Variants in ZFAND5 observed in about 807,000 individuals in gnomAD.
ZFAND5 encodes zinc finger AN1-type containing 5, also known as AN1-type zinc finger protein 5.
ZFAND5 carries 4 observed loss-of-function variants against 23.6 expected under a neutral mutation model. That is an observed-to-expected ratio of 0.17 (90% CI 0.08 to 0.39). The LOEUF (loss-of-function observed/expected upper bound fraction) is 0.39, where lower values mean the gene tolerates loss of function less well. Ranked by LOEUF, ZFAND5 falls within the 10% of genes least tolerant of loss-of-function variation. The pLI, the probability that ZFAND5 is intolerant of heterozygous loss-of-function variation, is 1.00. For synonymous variants in ZFAND5, 68 were observed against 80.6 expected (o/e 0.84, Z 0.84); for missense variants, 161 against 253.7 (o/e 0.63, Z 2.48).
chr9:72,358,418 T>C (rs984521078), intron 5 of ZFAND5, among the ~76,000 whole-genome samples: 1 of 151,972 alleles, frequency 6.6e-6, no homozygotes, highest in Non-Finnish European at 1.5e-5. Context: ...AAAAGGCAAA[T>C]AGCAGTGAAT....
intron 2 of ZFAND5, among the ~76,000 whole-genome samples, chr9:72,361,187 G>A (rs1842087769): frequency 6.6e-6 from 1 of 152,198 alleles, no homozygotes; most frequent in Non-Finnish European, 1.5e-5. Context: ...AATTATCACT[G>A]AGTCTTGATA....
At chr9:72,357,591 AAAAC>A (rs1464933989) in intron 5 of ZFAND5, among the ~76,000 whole-genome samples, 1 of 152,192 alleles carries the variant, frequency 6.6e-6, no homozygotes, top group African/African-American at 2.4e-5. Context: ...CAAAAATTCC[AAAAC>A]AATCATTTTA....
Position 72,352,590 on chromosome 9 carries a change from C to G in ZFAND5, c.*3363G>C, listed in dbSNP as rs1841805472. ...TTATTTCCCCAATTTTAGTTATTTC[C>G]TAGCAACTTTATTTAATGCAGATCT... On this transcript the variant is annotated 3_prime_UTR_variant, in exon 7 of 7. Coordinates refer to ENST00000376962, the MANE Select transcript of ZFAND5 (RefSeq NM_001102420.3). 1 of 152,148 alleles carries G rather than the reference C, an allele frequency of 6.6e-6. No homozygotes were observed. The highest frequency in any genetic ancestry group is 2.4e-5 in the African/African-American group (1 of 41,426). The allele number at this position is 152,148 out of a possible 1,614,324, so 9.4% of individuals were successfully genotyped here.
chr9:72,356,234 A>G, intron 6 of ZFAND5, 133 bp from the exon 7 acceptor site: 1 of 1,108,882 alleles, frequency 9.0e-7, no homozygotes, highest in East Asian at 2.7e-5. Context: ...CTTTTCTTCC[A>G]CTTCCTGGTG....
At position 72,360,134 on chromosome 9, in the gene ZFAND5, G is replaced by C. The variant is rs1443683043; in HGVS notation, c.239C>G (p.Ala80Gly). Residue 80 changes from alanine to glycine, a missense_variant, in exon 4 of 7, where the codon GCT (alanine) becomes GGT (glycine). Around this residue, in one of 3 missense-constraint regions of ZFAND5, gnomAD observed 116 missense variants for 115.2 expected, o/e 1.01. Transcript: ENST00000376962. The part of the protein sequence containing the change: ...DTSLNNCEGA[A>G]GSTSEKSRNV... ...CCTTGATTTTTCAGATGTGCTGCCAGCAGCACCTTCACAGTTGTTTAAGCT... is the reference window on the plus strand; with the variant it reads ...CCTTGATTTTTCAGATGTGCTGCCACCAGCACCTTCACAGTTGTTTAAGCT... 1.2e-6 allele frequency: 2 copies of C among 1,611,548 alleles called. No homozygotes were observed. The highest frequency in any genetic ancestry group is 1.7e-6 in the Non-Finnish European group (2 of 1,179,062).
At chr9:72,359,599 T>C in intron 4 of ZFAND5, 78 bp from the exon 5 acceptor site, 1 of 1,310,306 alleles carries the variant, frequency 7.6e-7, no homozygotes, top group Non-Finnish European at 1.1e-6. Context: ...TCAGTTCAAC[T>C]TTAAATTATA....
At position 72,352,856 on chromosome 9, in the gene ZFAND5, T is replaced by A. The variant is rs984177903; in HGVS notation, c.*3097A>T. ...CCTGAAGGTGGTTGCTGTCTTCATT[T>A]AAGAGATGAAGCAGTCCAAAGTGGA... On this transcript the variant is annotated 3_prime_UTR_variant, in exon 7 of 7. Coordinates refer to ENST00000376962, the MANE Select transcript of ZFAND5 (RefSeq NM_001102420.3). The A allele has an allele frequency of 6.6e-6, 1 of 152,194 alleles. No individual in the cohort carries two copies. The highest frequency in any genetic ancestry group is 1.5e-5 in the Non-Finnish European group (1 of 68,036). The allele number at this position is 152,194 out of a possible 1,614,324, so 9.4% of individuals were successfully genotyped here.
chr9:72,363,218 A>G (rs909170), intron 2 of ZFAND5, among the ~76,000 whole-genome samples: 1 of 152,196 alleles, frequency 6.6e-6, no homozygotes, highest in African/African-American at 2.4e-5. Flanking sequence ...ATTTTAGAAA[A>G]AAATACCATT....
In ZFAND5 at chr9:72,354,193, G is replaced by A. The variant is rs1312406435; in HGVS notation, c.*1760C>T. ...ACATCATCTTTTACAACATGGAGAA[G>A]CGAGGTAGGCCATAATTGTTCAAAT... On this transcript the variant is annotated 3_prime_UTR_variant, in exon 7 of 7. Transcript: ENST00000376962. The A allele has an allele frequency of 6.6e-6, 1 of 152,180 alleles. No homozygotes were observed. Among genetic ancestry groups the A allele is most frequent in the Admixed American group, 6.5e-5 (1 of 15,280 alleles). The allele number at this position is 152,180 out of a possible 1,614,324, so 9.4% of individuals were successfully genotyped here. A position where few individuals can be genotyped will look rare whatever the true frequency, so the allele number is the denominator to read the frequency against.
rs1160252337 is a variant in ZFAND5 at position 72,353,064 on chromosome 9, C to T, written c.*2889G>A. 6.6e-6 allele frequency: 1 copy of T among 152,156 alleles called. No homozygotes were observed. The highest frequency in any genetic ancestry group is 1.5e-5 in the Non-Finnish European group (1 of 68,042). The allele number at this position is 152,156 out of a possible 1,614,324, so 9.4% of individuals were successfully genotyped here. A position where few individuals can be genotyped will look rare whatever the true frequency, so the allele number is the denominator to read the frequency against. On this transcript the variant is annotated 3_prime_UTR_variant, in exon 7 of 7. Transcript: ENST00000376962. ...TCAGGCACACTGAAGATGAGGTTTT[C>T]AAAAAGGACTCACCCATTTATACTG...
intron 5 of ZFAND5, among the ~76,000 whole-genome samples, chr9:72,357,727 A>G (rs1480962896): frequency 6.6e-6 from 1 of 152,122 alleles, no homozygotes; most frequent in Non-Finnish European, 1.5e-5. Flanking sequence ...ATTTTAAACT[A>G]TTAAGGATTC....
In ZFAND5 at chr9:72,355,615, C is replaced by T. The variant is rs1841921775; in HGVS notation, c.*338G>A. ...AAAGATTATACCTTGATTACATTCC[C>T]AAAAGGCAGATATGCTGCAAACATG... On this transcript the variant is annotated 3_prime_UTR_variant, in exon 7 of 7. Transcript: ENST00000376962. 5.9e-6 allele frequency: 1 copy of T among 168,118 alleles called. No individual in the cohort carries two copies. Among genetic ancestry groups the T allele is most frequent in the Non-Finnish European group, 1.3e-5 (1 of 78,294 alleles). The allele number at this position is 168,118 out of a possible 1,614,324, so 10.4% of individuals were successfully genotyped here.
Position 72,360,698 on chromosome 9 carries a change from A to G in ZFAND5, c.81T>C (p.Asn27=), listed in dbSNP as rs1257822405. The G allele has an allele frequency of 6.2e-7, 1 of 1,614,086 alleles. No homozygotes were observed. The highest frequency in any genetic ancestry group is 8.5e-7 in the Non-Finnish European group (1 of 1,179,958). ...CTTTGTAGCAAACTGAACACATTCC[A>G]TTTGTCCTAGGATTTCCATAAAAGC... ...GCGFYGNPRT[N]GMCSVCYKEH... Residue 27 remains asparagine (N), a synonymous_variant, in exon 3 of 7, where the codon AAT becomes AAC. Coordinates refer to ENST00000376962, the MANE Select transcript of ZFAND5 (RefSeq NM_001102420.3).
intron 3 of ZFAND5, 96 bp from the exon 4 acceptor site, chr9:72,360,317 A>C (rs1842063042): frequency 9.3e-7 from 1 of 1,076,648 alleles, no homozygotes; most frequent in African/African-American, 1.6e-5. Flanking sequence ...TAATTAGGTT[A>C]GTGATATAAG....
At chr9:72,364,569 C>A in intron 1 of ZFAND5, 127 bp downstream of exon 1, 2 of 1,260,672 alleles carry the variant, frequency 1.6e-6, no homozygotes, top group South Asian at 1.3e-5. Context: ...GCTCCCCTCC[C>A]CCGGACGCCG....
intron 4 of ZFAND5, among the ~76,000 whole-genome samples, 199 bp from the exon 5 acceptor site, chr9:72,359,720 G>A (rs1047765571): frequency 6.6e-6 from 1 of 152,114 alleles, no homozygotes; most frequent in Admixed American, 6.6e-5. Context: ...TCATGAACTC[G>A]AGGCTGCATT....
At chr9:72,364,567 C>A in intron 1 of ZFAND5, 129 bp downstream of exon 1, 1 of 1,260,014 alleles carries the variant, frequency 7.9e-7, no homozygotes, top group Middle Eastern at 2.2e-4. Flanking sequence ...GGGCTCCCCT[C>A]CCCCGGACGC....
Position 72,354,475 on chromosome 9 carries a change from CTTT to C in ZFAND5, c.*1475_*1477del, listed in dbSNP as rs1841877614. The C allele has an allele frequency of 6.6e-6, 1 of 152,596 alleles. No individual in the cohort carries two copies. Among genetic ancestry groups the C allele is most frequent in the Non-Finnish European group, 1.5e-5 (1 of 68,030 alleles). 9.5% of individuals were successfully genotyped at this position (152,596 alleles called of 1,614,324 possible). A position where few individuals can be genotyped will look rare whatever the true frequency, so the allele number is the denominator to read the frequency against. On this transcript the variant is annotated 3_prime_UTR_variant, in exon 7 of 7. Transcript: ENST00000376962. ...AAGTGAAGTTTCCCTCTGTACATGG[CTTT>C]TATTATTTACATAATACAATATAGC...
rs2131973581 is a variant in ZFAND5 at position 72,356,544 on chromosome 9, A to T, written c.493+387T>A. On this transcript the variant is annotated intron_variant, in intron 6 of 6. Coordinates refer to ENST00000376962, the MANE Select transcript of ZFAND5 (RefSeq NM_001102420.3). ...AACACAGTCCTACCATATCTTAAGT[A>T]ATGCTTCCTCAAGTGAAAACAACCA... is the stretch of plus-strand genomic sequence containing the variant. 1.3e-5 allele frequency among the ~76,000 whole-genome samples: 2 copies of T among 152,282 alleles called. 1 individual carries two copies. The highest frequency in any genetic ancestry group is 4.1e-4 in the South Asian group (2 of 4,826).
Sources: gnomAD v4.1 joint callset for allele counts (sites outside exome capture counted in the v4.1 genomes callset) on GRCh38, gnomAD v4.1.1 for gene constraint, gnomAD v4.1.1 regional missense constraint, MANE v1.5 for transcripts, NCBI Gene and HGNC (gene_info 2026-07-23, HGNC 2026-07-21) for gene names.